Variants in POLR1C observed in about 807,000 individuals in gnomAD.
The protein encoded by POLR1C is RNA polymerase I and III subunit C.
Under a neutral mutation model 38.3 loss-of-function variants are expected in POLR1C, and 42 were observed. The ratio of observed to expected loss-of-function variants is 1.10; its 90% CI spans 0.86 to 1.42. The LOEUF is 1.42. POLR1C is among the 40% of genes most tolerant of loss of function. The probability of loss-of-function intolerance (pLI) is 0.00; values close to 1 mark genes in which losing one functional copy is unlikely to be tolerated. For missense variants in POLR1C, 507 were observed against 450.5 expected (o/e 1.13, Z -1.14); for synonymous variants, 163 against 163.9 (o/e 0.99, Z 0.04).
chr6:43,549,655 C>A, intron 9 of POLR1C: 1 of 1,500,964 alleles, frequency 6.7e-7, no homozygotes, highest in South Asian at 1.2e-5. Flanking sequence ...ATGTGAATAT[C>A]TCAGTCAGGG....
At chr6:43,556,273 T>C (rs1762080627) in intron 10 of POLR1C, among the ~76,000 whole-genome samples, 2 of 152,222 alleles carry the variant, frequency 1.3e-5, no homozygotes, top group South Asian at 4.1e-4. Context: ...CCTGAAATCC[T>C]AGCACTTTAG....
intron 9 of POLR1C, among the ~76,000 whole-genome samples, chr6:43,542,854 TCTACTC>T (rs1794773025): frequency 6.6e-6 from 1 of 152,206 alleles, no homozygotes; most frequent in Non-Finnish European, 1.5e-5. Flanking sequence ...AGCTAGGAAT[TCTACTC>T]CTATGTGTGT....
chr6:43,544,990 A>T (rs933246602), intron 9 of POLR1C, among the ~76,000 whole-genome samples: 1 of 152,132 alleles, frequency 6.6e-6, no homozygotes, highest in Non-Finnish European at 1.5e-5. Flanking sequence ...CTCCTGCCTC[A>T]GCCTCTCGAG....
At chr6:43,528,827 C>T in intron 8 of POLR1C, 1 of 1,613,432 alleles carries the variant, frequency 6.2e-7, no homozygotes, top group Non-Finnish European at 8.5e-7. Context: ...TTATCTCTTA[C>T]CATATGGAGG....
At chr6:43,520,470 T>C (rs367795768) in intron 6 of POLR1C, 43 bp downstream of exon 6, 3 of 1,611,718 alleles carry the variant, frequency 1.9e-6, no homozygotes, top group Middle Eastern at 4.0e-4. Context: ...GATAGTTCGG[T>C]TGCAGTGGGG....
At chr6:43,544,524 A>G (rs1402167605) in intron 9 of POLR1C, among the ~76,000 whole-genome samples, 1 of 152,230 alleles carries the variant, frequency 6.6e-6, no homozygotes, top group Non-Finnish European at 1.5e-5. Flanking sequence ...TTGGCCACAT[A>G]GATTCTGGCC....
intron 9 of POLR1C, among the ~76,000 whole-genome samples, chr6:43,544,866 ATTATTTAT>A (rs151137102): frequency 6.6e-6 from 1 of 151,800 alleles, no homozygotes; most frequent in African/African-American, 2.4e-5. Context: ...AAAAGAAAAT[ATTATTTAT>A]TTATTTATTT....
rs79222964 is a variant in POLR1C, at chr6:43,520,406, A to G, written c.634A>G (p.Met212Val). ...LRPGQEIDLL[M>V]HCVKGIGKDH... The stretch of plus-strand genomic sequence containing the variant: ...GCCTGGCCAAGAAATTGACCTGCTC[A>G]TGCACTGTGTCAAGGGCATTGGTGA... Residue 212 changes from methionine to valine, a missense_variant, in exon 6 of 9, where the codon ATG becomes GTG. By Grantham distance (21) the Met-to-Val change is conservative. Coordinates refer to ENST00000642195, the MANE Select transcript of POLR1C (RefSeq NM_203290.4). 6,241 of 1,613,766 alleles carry G rather than the reference A, an allele frequency of 3.9e-3. 182 individuals carry two copies. In the East Asian group the frequency reaches 0.083, roughly 21 times the overall value.
chr6:43,540,746 G>C (rs1236517430), intron 9 of POLR1C, among the ~76,000 whole-genome samples: 1 of 152,190 alleles, frequency 6.6e-6, no homozygotes. Context: ...CCAAAGTGCT[G>C]AGATTACAGG....
rs539817347 is a variant in POLR1C at position 43,560,313 on chromosome 6, A to G, written c.*49-1087A>G. ...TTGAAGAGCGTAGAAACTAAAGAGA[A>G]AAAAAAAAGAAAACGTCAAAGGATT... is the stretch of plus-strand genomic sequence containing the variant. On this transcript the variant is annotated intron_variant, in intron 10 of 10. Coordinates refer to the POLR1C transcript ENST00000607635. 76 of 1,579,668 alleles carry G rather than the reference A, an allele frequency of 4.8e-5. No homozygotes were observed. The highest frequency in any genetic ancestry group is 6.3e-5 in the Non-Finnish European group (73 of 1,166,144).
downstream of POLR1C, chr6:43,521,545 G>A (rs1793191183): frequency 9.1e-7 from 1 of 1,099,880 alleles, no homozygotes; most frequent in Non-Finnish European, 1.2e-6. Flanking sequence ...TTTGTTTTTT[G>A]AGACAGTCTC....
intron 2 of POLR1C, among the ~76,000 whole-genome samples, chr6:43,518,759 C>T (rs1307146444): frequency 6.6e-6 from 1 of 152,240 alleles, no homozygotes; most frequent in African/African-American, 2.4e-5. Context: ...TCTTGGCTCA[C>T]TGCAACCTCC....
chr6:43,519,420 C>T lies in POLR1C; in HGVS notation c.229C>T (p.Arg77Ter), dbSNP rs886061427. Residue 77 changes from arginine to a stop codon, truncating the protein, a stop_gained, in exon 3 of 9, where the codon CGA becomes TGA. Transcript: ENST00000642195. LOFTEE classifies it high-confidence loss of function. The part of the protein sequence containing the change: ...GIDAAIANAF[R>*]RILLAEVPTM... ...TGACGCAGCCATTGCCAATGCTTTT[C>T]GACGAATTCTGCTAGCTGAGGTATT... The T allele has an allele frequency of 1.1e-5, 18 of 1,612,976 alleles. No individual in the cohort carries two copies. The highest frequency in any genetic ancestry group is 4.5e-5 in the East Asian group (2 of 44,900).
chr6:43,548,659 C>T (rs112426014), intron 9 of POLR1C, among the ~76,000 whole-genome samples: 6 of 151,816 alleles, frequency 4.0e-5, no homozygotes, highest in African/African-American at 1.5e-4. Context: ...TAGCTCTTGT[C>T]TTGAGTATTT....
downstream of POLR1C, chr6:43,525,259 G>T: frequency 6.6e-7 from 1 of 1,517,598 alleles, no homozygotes; most frequent in Non-Finnish European, 8.9e-7. Context: ...AAGAAGCACA[G>T]TTTTCTCTGA....
intron 10 of POLR1C, chr6:43,560,867 T>C: frequency 7.5e-7 from 1 of 1,341,482 alleles, no homozygotes; most frequent in Non-Finnish European, 1.1e-6. Flanking sequence ...CAGGACACAG[T>C]GCTTGACATT....
intron 10 of POLR1C, chr6:43,560,100 T>G: frequency 3.5e-5 from 53 of 1,511,918 alleles, no homozygotes; most frequent in Non-Finnish European, 4.5e-5. Context: ...ATTATAGGCG[T>G]GAGCCACCGC....
At chr6:43,548,594 A>G (rs368142959) in intron 9 of POLR1C, 1 of 723,724 alleles carries the variant, frequency 1.4e-6, no homozygotes. Flanking sequence ...TTATTTGGTA[A>G]TTCTGTTATA....
At chr6:43,549,254 G>A (rs897183203) in intron 9 of POLR1C, among the ~76,000 whole-genome samples, 4 of 151,992 alleles carry the variant, frequency 2.6e-5, no homozygotes, top group South Asian at 4.2e-4. Context: ...AGTAGAGACC[G>A]GACTTCACCA....
Sources: gnomAD v4.1 joint callset for allele counts (sites outside exome capture counted in the v4.1 genomes callset) on GRCh38, gnomAD v4.1.1 for gene constraint, MANE v1.5 for transcripts, NCBI Gene and HGNC (gene_info 2026-07-23, HGNC 2026-07-21) for gene names.